Variants in ADK observed in about 807,000 individuals in gnomAD.
The protein encoded by ADK is adenosine kinase, also known as N6,N6-dimethyladenosine kinase.
A neutral mutation model predicts 44.7 loss-of-function variants in ADK; 24 were observed. That is an observed-to-expected ratio of 0.54 (90% confidence interval 0.39 to 0.76). The LOEUF is 0.76. Ranked by LOEUF, ADK falls within the 30% of genes least tolerant of loss-of-function variation. The probability of loss-of-function intolerance (pLI) is 0.00; values close to 1 mark genes in which losing one functional copy is unlikely to be tolerated. For missense variants in ADK, 321 were observed against 425.1 expected (o/e 0.76, Z 2.15); for synonymous variants, 128 against 142.6 (o/e 0.90, Z 0.73).
chr10:74,602,776 T>C (rs1004752590), intron 9 of ADK, among the ~76,000 whole-genome samples: 1 of 152,226 alleles, frequency 6.6e-6, no homozygotes, highest in Non-Finnish European at 1.5e-5. Flanking sequence ...TAAATGTTAA[T>C]GCAGTTTTGA....
At chr10:74,472,398 G>GA (rs1169872313) in intron 6 of ADK, among the ~76,000 whole-genome samples, 2 of 151,728 alleles carry the variant, frequency 1.3e-5, no homozygotes, top group Non-Finnish European at 2.9e-5. Flanking sequence ...TAGTTTTTCT[G>GA]CATCAATAGA....
At chr10:74,201,316 C>T (rs1283903836) in intron 2 of ADK, among the ~76,000 whole-genome samples, 1 of 152,154 alleles carries the variant, frequency 6.6e-6, no homozygotes, top group African/African-American at 2.4e-5. Context: ...TTAGTAACTT[C>T]CAATGTTTCA....
At chr10:74,465,634 G>A (rs1418240268) in intron 6 of ADK, among the ~76,000 whole-genome samples, 1 of 152,122 alleles carries the variant, frequency 6.6e-6, no homozygotes, top group Admixed American at 6.5e-5. Context: ...TAGCAATGGA[G>A]GTGTTAAGAT....
At chr10:74,436,508 C>G (rs1044235685) in intron 6 of ADK, among the ~76,000 whole-genome samples, 7 of 150,750 alleles carry the variant, frequency 4.6e-5, no homozygotes, top group South Asian at 2.1e-4. Context: ...CATGACTCTT[C>G]AGTAGATTAT....
rs1004355037 is a variant in ADK at position 74,463,816 on chromosome 10, T to C, written c.556-61440T>C. Among the ~76,000 whole-genome samples the C allele has an allele frequency of 7.9e-5, 12 of 152,174 alleles. 1 individual carries two copies. On this transcript the variant is annotated intron_variant, in intron 6 of 10. Transcript: ENST00000539909. ...GGTATCTTGTCTTTTTTTTACGTCT[T>C]TCTAAACTGCCTTAATCCTTGTAAG...
intron 9 of ADK, among the ~76,000 whole-genome samples, chr10:74,654,433 T>C (rs573347318): frequency 4.3e-4 from 66 of 152,252 alleles, no homozygotes; most frequent in Non-Finnish European, 7.3e-4. Context: ...CAGATATTAC[T>C]TGAATTTATA....
At chr10:74,260,526 A>G (rs1846004556) in intron 3 of ADK, among the ~76,000 whole-genome samples, 1 of 152,208 alleles carries the variant, frequency 6.6e-6, no homozygotes, top group Non-Finnish European at 1.5e-5. Flanking sequence ...GCCTGTGATT[A>G]TAGGCGTGAG....
intron 10 of ADK, among the ~76,000 whole-genome samples, chr10:74,691,050 A>C: frequency 1.3e-5 from 2 of 152,350 alleles, no homozygotes; most frequent in Non-Finnish European, 2.9e-5. Flanking sequence ...AGATAATGAA[A>C]ATAAAACCTT....
At chr10:74,189,411 G>T (rs977249226) in intron 1 of ADK, among the ~76,000 whole-genome samples, 2 of 152,144 alleles carry the variant, frequency 1.3e-5, no homozygotes. Flanking sequence ...CTACCCTGTG[G>T]TGGTCTGTTT....
chr10:74,290,624 A>AT (rs1308759604), intron 3 of ADK, among the ~76,000 whole-genome samples: 1 of 152,034 alleles, frequency 6.6e-6, no homozygotes, highest in Non-Finnish European at 1.5e-5. Context: ...AAAAACCCTA[A>AT]TTTTTTGTGA....
intron 4 of ADK, among the ~76,000 whole-genome samples, chr10:74,389,401 G>A (rs967761801): frequency 6.6e-6 from 1 of 152,146 alleles, no homozygotes; most frequent in African/African-American, 2.4e-5. Flanking sequence ...AGATTAGTTG[G>A]ATGTTGGTGA....
At chr10:74,209,432 AAAC>A (rs1196168299) in intron 2 of ADK, among the ~76,000 whole-genome samples, 8 of 152,250 alleles carry the variant, frequency 5.3e-5, no homozygotes, top group African/African-American at 1.7e-4. Flanking sequence ...AAGAAAAATA[AAAC>A]AACAACAAAA....
rs370508961 is a variant in ADK, at chr10:74,637,176, T to C, written c.878-33007T>C. Among the ~76,000 whole-genome samples the C allele has an allele frequency of 4.0e-5, 6 of 150,800 alleles. No homozygotes were observed. In the East Asian group the frequency reaches 1.2e-3, roughly 29 times the overall value. ...ATTAAATACCTAGGAGTTCTTTTTA[T>C]ATGTGTGTGAAGAATAGCACTAGAT... On this transcript the variant is annotated intron_variant, in intron 9 of 10. Coordinates refer to ENST00000539909, the MANE Select transcript of ADK (RefSeq NM_006721.4).
At chr10:74,218,879 G>C in intron 2 of ADK, among the ~76,000 whole-genome samples, 1 of 152,116 alleles carries the variant, frequency 6.6e-6, no homozygotes, top group Non-Finnish European at 1.5e-5. Context: ...CACTAAACAA[G>C]GAAAGGAACA....
chr10:74,653,019 G>A (rs773929144), intron 9 of ADK, among the ~76,000 whole-genome samples: 3 of 152,082 alleles, frequency 2.0e-5, no homozygotes, highest in South Asian at 2.1e-4. Flanking sequence ...TATTATTGAC[G>A]GACTGAATTT....
At chr10:74,638,267 TATATA>T (rs1853687153) in intron 9 of ADK, among the ~76,000 whole-genome samples, 1 of 152,242 alleles carries the variant, frequency 6.6e-6, no homozygotes, top group Admixed American at 6.5e-5. Context: ...AAGCAGGTTT[TATATA>T]ATATATCAAT....
intron 4 of ADK, among the ~76,000 whole-genome samples, chr10:74,373,878 C>A (rs1272857947): frequency 6.6e-6 from 1 of 152,116 alleles, no homozygotes; most frequent in Non-Finnish European, 1.5e-5. Flanking sequence ...AACATGGAAA[C>A]AACCCAAGTG....
At chr10:74,216,731 A>AAT (rs1554830203) in intron 2 of ADK, among the ~76,000 whole-genome samples, 2 of 151,410 alleles carry the variant, frequency 1.3e-5, no homozygotes, top group African/African-American at 4.9e-5. Context: ...TCTCAAAAAA[A>AAT]AAAATAAAAA....
chr10:74,160,033 CA>C (rs1841848063), intron 1 of ADK, among the ~76,000 whole-genome samples: 1 of 152,100 alleles, frequency 6.6e-6, no homozygotes, highest in Non-Finnish European at 1.5e-5. Context: ...CTCATGAGTC[CA>C]AAGGAAGAGA....
Sources: gnomAD v4.1 joint callset for allele counts (sites outside exome capture counted in the v4.1 genomes callset) on GRCh38, gnomAD v4.1.1 for gene constraint, MANE v1.5 for transcripts, NCBI Gene and HGNC (gene_info 2026-07-23, HGNC 2026-07-21) for gene names.